CCNL1: variants seen among roughly 807,000 people sequenced by gnomAD.
The protein encoded by CCNL1 is cyclin-L1.
In CCNL1, 13 loss-of-function variants were observed where a neutral mutation model predicts 60.6. The observed-to-expected ratio is 0.21, with a 90% confidence interval of 0.14 to 0.34. The LOEUF is 0.34. Among genes scored for constraint, CCNL1 ranks in the 10% least tolerant of loss-of-function variants. CCNL1 has a pLI of 1.00. For missense variants in CCNL1, 481 were observed against 664.3 expected (o/e 0.72, Z 3.03); for synonymous variants, 270 against 244.3 (o/e 1.10, Z -0.98).
intron 3 of CCNL1, chr3:157,154,407 C>T (rs772226834): frequency 1.3e-5 from 2 of 152,150 alleles, no homozygotes; most frequent in Non-Finnish European, 2.9e-5. Context: ...TTTGTCCATA[C>T]TCAGTTCATT....
chr3:157,145,975 T>C (rs1172137518), downstream of CCNL1, among the ~76,000 whole-genome samples: 1 of 152,216 alleles, frequency 6.6e-6, no homozygotes, highest in Non-Finnish European at 1.5e-5. Context: ...GCTCTCTGGA[T>C]ACTGACAGGG....
At chr3:157,148,631 G>A in intron 10 of CCNL1, 42 bp from the exon 11 acceptor site, 1 of 1,510,330 alleles carries the variant, frequency 6.6e-7, no homozygotes, top group Non-Finnish European at 8.9e-7. Flanking sequence ...AGTTTCTATG[G>A]GGAACAGATT....
chr3:157,151,206 A>G, intron 5 of CCNL1: 3 of 985,378 alleles, frequency 3.0e-6, no homozygotes, highest in Non-Finnish European at 3.6e-6. Flanking sequence ...CTAACATTAC[A>G]AATATTTACT....
At chr3:157,144,210 C>G (rs1363733304), downstream of CCNL1, among the ~76,000 whole-genome samples, 1 of 152,134 alleles carries the variant, frequency 6.6e-6, no homozygotes, top group Non-Finnish European at 1.5e-5. Context: ...TTGTACTGTT[C>G]AAGATTTTCT....
At chr3:157,146,244 G>A (rs772765291), downstream of CCNL1, among the ~76,000 whole-genome samples, 74 of 152,254 alleles carry the variant, frequency 4.9e-4, no homozygotes, top group Non-Finnish European at 6.9e-4. Flanking sequence ...ATTACTTCTA[G>A]AGAAAGTGTT....
At chr3:157,149,051 C>A (rs1489018600) in intron 10 of CCNL1, 1 of 493,778 alleles carries the variant, frequency 2.0e-6, no homozygotes, top group East Asian at 3.3e-5. Flanking sequence ...GGCCCTCAAG[C>A]ACTTTGTGGG....
chr3:157,145,244 G>C (rs1737744210), downstream of CCNL1, among the ~76,000 whole-genome samples: 2 of 151,846 alleles, frequency 1.3e-5, no homozygotes, highest in South Asian at 4.2e-4. Flanking sequence ...GGCCATCCTG[G>C]CTAACATAGG....
chr3:157,153,205 A>T (rs567291455), intron 3 of CCNL1, 49 bp from the exon 4 acceptor site: 1 of 1,574,134 alleles, frequency 6.4e-7, no homozygotes, highest in East Asian at 2.3e-5. Flanking sequence ...CATCCAAAAA[A>T]TTTTATTTGT....
chr3:157,143,132 ATTTTTAT>A (rs1737696383), downstream of CCNL1, among the ~76,000 whole-genome samples: 1 of 152,156 alleles, frequency 6.6e-6, no homozygotes, highest in South Asian at 2.1e-4. Context: ...GCCCAGCCGT[ATTTTTAT>A]TTTTTAAGAG....
At chr3:157,158,165 G>A (rs1277807597) in intron 3 of CCNL1, among the ~76,000 whole-genome samples, 2 of 152,168 alleles carry the variant, frequency 1.3e-5, no homozygotes, top group African/African-American at 4.8e-5. Context: ...CAACACCTAG[G>A]AGATACTATT....
chr3:157,150,403 A>T (rs751461259), intron 5 of CCNL1, 22 bp from the exon 6 acceptor site: 24 of 1,609,484 alleles, frequency 1.5e-5, no homozygotes, highest in Non-Finnish European at 2.0e-5. Context: ...TTCAACTATA[A>T]GCTTGCATGT....
In CCNL1 at chr3:157,152,899, G is replaced by A. The variant is rs551377721; in HGVS notation, c.609+137C>T. On this transcript the variant is annotated intron_variant, in intron 4 of 10. Transcript: ENST00000295926. ...CTCAACATCCAAAAGAATGTTTTTC[G>A]ATGAAGCCTGAACCTTTAAAAGAAT... 42 of 1,425,628 alleles carry A rather than the reference G, an allele frequency of 2.9e-5. No individual in the cohort carries two copies. The East Asian group carries it at 9.2e-4, about 31-fold the overall frequency. The allele number at this position is 1,425,628 out of a possible 1,614,324, so 88.3% of individuals were successfully genotyped here.
intron 10 of CCNL1, 135 bp downstream of exon 10, chr3:157,149,152 C>A (rs1737979840): frequency 1.5e-6 from 1 of 647,680 alleles, no homozygotes; most frequent in East Asian, 2.7e-5. Flanking sequence ...AAACTCATTT[C>A]TCATAATTTG....
At chr3:157,159,149 T>C in intron 2 of CCNL1, 174 bp from the exon 3 acceptor site, 2 of 631,266 alleles carry the variant, frequency 3.2e-6, no homozygotes, top group South Asian at 2.0e-5. Context: ...ATCTTAATTT[T>C]GGTTCCAGAG....
intron 4 of CCNL1, 44 bp from the exon 5 acceptor site, chr3:157,152,285 T>G (rs1738251581): frequency 1.3e-6 from 2 of 1,585,154 alleles, no homozygotes; most frequent in Non-Finnish European, 1.7e-6. Flanking sequence ...TACTGGTAGT[T>G]CTTTCGGAGT....
rs1738083737 is a variant in CCNL1 at position 157,150,270 on chromosome 3, A to C, written c.774+12T>G. ...TTTATCCTACAGAACAAAATGGGAA[A>C]TATACACCTACCTGAAGTGCTCTAG... On this transcript the variant is annotated intron_variant, in intron 6 of 10. Coordinates refer to ENST00000295926, the MANE Select transcript of CCNL1 (RefSeq NM_020307.4). 1.2e-6 allele frequency: 2 copies of C among 1,613,600 alleles called. No individual in the cohort carries two copies.
intron 8 of CCNL1, 53 bp downstream of exon 8, chr3:157,149,783 T>C: frequency 1.3e-6 from 2 of 1,585,048 alleles, no homozygotes; most frequent in East Asian, 2.2e-5. Context: ...AGCTCTCTAA[T>C]AAAGACACAC....
chr3:157,160,088 A>G lies in CCNL1; in HGVS notation c.7T>C (p.Ser3Pro). ...GCAGTAGCTGTCGAATGAGGCCCGG[A>G]CGCCATAGTCTTAGCGAGCCGCACG... Reference protein sequence around the residue: MASGPHSTATAAA... With the variant: MAPGPHSTATAAA... Residue 3 changes from serine to proline, a missense_variant, in exon 1 of 11, where the codon TCC becomes CCC. Coordinates refer to ENST00000295926, the MANE Select transcript of CCNL1 (RefSeq NM_020307.4). The G allele has an allele frequency of 1.3e-6, 2 of 1,550,118 alleles. No individual in the cohort carries two copies. The highest frequency in any genetic ancestry group is 1.7e-6 in the Non-Finnish European group (2 of 1,147,970).
At chr3:157,149,029 GA>G (rs1412120799) in intron 10 of CCNL1, 2 of 412,624 alleles carry the variant, frequency 4.8e-6, no homozygotes, top group African/African-American at 4.2e-5. Context: ...TTCACATTAT[GA>G]ACAATACTAT....
Sources: gnomAD v4.1 joint callset for allele counts (sites outside exome capture counted in the v4.1 genomes callset) on GRCh38, gnomAD v4.1.1 for gene constraint, MANE v1.5 for transcripts, NCBI Gene and HGNC (gene_info 2026-07-23, HGNC 2026-07-21) for gene names.